Variants in WLS observed in about 807,000 individuals in gnomAD.
WLS encodes Wnt ligand secretion mediator, also known as protein wntless homolog.
In WLS, 23 loss-of-function variants were observed where a neutral mutation model predicts 62.8. That is an observed-to-expected ratio of 0.37 (90% confidence interval 0.26 to 0.52). WLS has a LOEUF of 0.52. Ranked by LOEUF, WLS falls within the 20% of genes least tolerant of loss-of-function variation. WLS has a pLI of 0.92. For synonymous variants in WLS, 246 were observed against 244.1 expected, an observed-to-expected ratio of 1.01 and a Z score of -0.07; for missense variants, 615 against 697.3, an observed-to-expected ratio of 0.88 and a Z score of 1.33.
chr1:68,125,598 G>A lies in WLS; in HGVS notation c.*628C>T. 1.0e-6 allele frequency: 1 copy of A among 985,508 alleles called. No individual in the cohort carries two copies. The highest frequency in any genetic ancestry group is 1.7e-5 in the African/African-American group (1 of 57,360). The allele number at this position is 985,508 out of a possible 1,614,324, so 61.0% of individuals were successfully genotyped here. A position where few individuals can be genotyped will look rare whatever the true frequency, so the allele number is the denominator to read the frequency against. On this transcript the variant is annotated 3_prime_UTR_variant, in exon 12 of 12. Coordinates refer to ENST00000262348, the MANE Select transcript of WLS (RefSeq NM_024911.7). ...ACATCCAACAGATTGGTTAGTATTA[G>A]ATACACAGATTTGGTTTCAAAGCTG... is the stretch of plus-strand genomic sequence containing the variant.
chr1:68,105,215 G>A (rs1334689179), intron 11 of WLS, among the ~76,000 whole-genome samples: 1 of 152,194 alleles, frequency 6.6e-6, no homozygotes, highest in African/African-American at 2.4e-5. Context: ...AGCATAAGTA[G>A]TTTACCTAAG....
intron 11 of WLS, among the ~76,000 whole-genome samples, chr1:68,104,620 AG>A (rs1646120981): frequency 6.6e-6 from 1 of 152,194 alleles, no homozygotes; most frequent in African/African-American, 2.4e-5. Context: ...TTTAAAATTC[AG>A]GATTGCAGCC....
chr1:68,140,043 GA>G (rs1370917368), intron 10 of WLS, among the ~76,000 whole-genome samples: 1 of 152,196 alleles, frequency 6.6e-6, no homozygotes, highest in Non-Finnish European at 1.5e-5. Flanking sequence ...TCATAACAAG[GA>G]TAAGCATATT....
intron 1 of WLS, among the ~76,000 whole-genome samples, chr1:68,200,049 G>A (rs977407927): frequency 2.6e-5 from 4 of 152,170 alleles, no homozygotes; most frequent in African/African-American, 9.7e-5. Flanking sequence ...GAATAGACCA[G>A]TTGAAAAGGT....
At chr1:68,101,346 A>G (rs1646075962) in intron 11 of WLS, among the ~76,000 whole-genome samples, 1 of 152,196 alleles carries the variant, frequency 6.6e-6, no homozygotes. Flanking sequence ...GCAACCTATC[A>G]GAAGAGAAAT....
At chr1:68,151,063 A>G (rs1340439557) in intron 5 of WLS, among the ~76,000 whole-genome samples, 1 of 152,240 alleles carries the variant, frequency 6.6e-6, no homozygotes, top group African/African-American at 2.4e-5. Flanking sequence ...GAGGAGCCAG[A>G]TAAAGAGACA....
At chr1:68,145,840 T>A in intron 9 of WLS, 29 bp downstream of exon 9, 1 of 1,613,644 alleles carries the variant, frequency 6.2e-7, no homozygotes, top group Non-Finnish European at 8.5e-7. Context: ...CAAGCACCAG[T>A]TCCAGAACGA....
rs370490413 is a variant in WLS at position 68,184,493 on chromosome 1, C to G, written c.379+9462G>C. Among the ~76,000 whole-genome samples the G allele has an allele frequency of 3.9e-5, 6 of 152,236 alleles. No homozygotes were observed. The South Asian group carries it at 6.2e-4, about 16-fold the overall frequency. ...TTCAAATAACAGAACTTGGCCTTAC[C>G]AAGAGGTCTAATACCATCAGGTAAA... On this transcript the variant is annotated intron_variant, in intron 2 of 11. Coordinates refer to ENST00000262348, the MANE Select transcript of WLS (RefSeq NM_024911.7).
chr1:68,219,484 C>A (rs1294344339), intron 1 of WLS, among the ~76,000 whole-genome samples: 1 of 152,074 alleles, frequency 6.6e-6, no homozygotes, highest in Non-Finnish European at 1.5e-5. Context: ...TAATAAAAAC[C>A]CTCCTCCCAT....
Position 68,230,586 on chromosome 1 carries a change from C to CGTGT in WLS, c.106+1607_106+1608insACAC, listed in dbSNP as rs1394504243. On this transcript the variant is annotated intron_variant, in intron 1 of 11. Coordinates refer to ENST00000262348, the MANE Select transcript of WLS (RefSeq NM_024911.7). Reference sequence around the variant, plus strand: ...AAGCCAACCCGTGTGTGTGTGTGCGCGCGTGTGTGTGTGTGTGTGTGTGTG... The same window carrying CGTGT: ...AAGCCAACCCGTGTGTGTGTGTGCGCGTGTGCGTGTGTGTGTGTGTGTGTGTGTG... 2.1e-3 allele frequency among the ~76,000 whole-genome samples: 286 copies of CGTGT among 137,112 alleles called. 2 individuals carry two copies. The East Asian group carries it at 0.046, about 22-fold the overall frequency. The allele number at this position is 137,112 out of a possible 152,430, so 90.0% of individuals were successfully genotyped here. A position where few individuals can be genotyped will look rare whatever the true frequency, so the allele number is the denominator to read the frequency against.
intron 2 of WLS, among the ~76,000 whole-genome samples, chr1:68,165,885 T>C (rs911336998): frequency 1.3e-5 from 2 of 152,224 alleles, no homozygotes; most frequent in Non-Finnish European, 2.9e-5. Context: ...ATGATAGGCA[T>C]GCCTTCATTC....
chr1:68,131,818 C>T (rs1228677877), intron 11 of WLS, among the ~76,000 whole-genome samples: 1 of 152,056 alleles, frequency 6.6e-6, no homozygotes, highest in African/African-American at 2.4e-5. Flanking sequence ...GGGCCCTACT[C>T]CAACAGACTG....
chr1:68,218,497 C>G (rs1649823068), intron 1 of WLS, among the ~76,000 whole-genome samples: 1 of 152,176 alleles, frequency 6.6e-6, no homozygotes, highest in Non-Finnish European at 1.5e-5. Context: ...CCTCTAAGAA[C>G]TCATTTCTGG....
chr1:68,195,205 G>A (rs568754966), intron 1 of WLS, among the ~76,000 whole-genome samples: 29 of 152,278 alleles, frequency 1.9e-4, no homozygotes, highest in Non-Finnish European at 3.5e-4. Flanking sequence ...ACTTAGAAAA[G>A]CAGAGTATTG....
intron 11 of WLS, 90 bp from the exon 12 acceptor site, chr1:68,126,425 C>A: frequency 6.6e-7 from 1 of 1,524,356 alleles, no homozygotes; most frequent in East Asian, 2.4e-5. Flanking sequence ...CTGATGCTAG[C>A]CCTCTTTGAC....
intron 2 of WLS, among the ~76,000 whole-genome samples, chr1:68,161,158 T>C (rs1303246053): frequency 6.6e-6 from 1 of 152,194 alleles, no homozygotes; most frequent in Admixed American, 6.5e-5. Flanking sequence ...GGGTTTTTAC[T>C]GAACTTACAA....
chr1:68,130,975 T>TGCTGAGCGATCTCAGCA (rs1646511265), intron 11 of WLS, among the ~76,000 whole-genome samples: 1 of 132,344 alleles, frequency 7.6e-6, no homozygotes, highest in Non-Finnish European at 1.6e-5. Context: ...CACTGCAACC[T>TGCTGAGCGATCTCAGCA]CCGCCTCCAG....
chr1:68,138,908 G>A (rs1339773608), intron 10 of WLS, among the ~76,000 whole-genome samples: 2 of 152,146 alleles, frequency 1.3e-5, no homozygotes, highest in African/African-American at 4.8e-5. Context: ...AAGATGGCAG[G>A]CTAGATTGAA....
In WLS at chr1:68,132,329, C is replaced by T. The variant is rs529991907; in HGVS notation, c.1516+5451G>A. Reference sequence around the variant, plus strand: ...CCTGCTTTAGGGTCTGGGTCCAGCCCGTGTGACAAGACCAATCCCATCAGT... The same window carrying T: ...CCTGCTTTAGGGTCTGGGTCCAGCCTGTGTGACAAGACCAATCCCATCAGT... On this transcript the variant is annotated intron_variant, in intron 11 of 11. Coordinates refer to ENST00000262348, the MANE Select transcript of WLS (RefSeq NM_024911.7). Among the ~76,000 whole-genome samples the T allele has an allele frequency of 7.3e-4, 111 of 152,262 alleles. 1 individual carries two copies. In the South Asian group the frequency reaches 0.021, roughly 29 times the overall value.
Sources: gnomAD v4.1 joint callset for allele counts (sites outside exome capture counted in the v4.1 genomes callset) on GRCh38, gnomAD v4.1.1 for gene constraint, MANE v1.5 for transcripts, NCBI Gene and HGNC (gene_info 2026-07-23, HGNC 2026-07-21) for gene names.